The following YAP1 variants were observed in gnomAD, a reference collection of about 807,000 sequenced individuals.
The protein encoded by YAP1 is transcriptional coactivator YAP1.
YAP1 carries 5 observed loss-of-function variants against 56.9 expected under a neutral mutation model. The ratio of observed to expected loss-of-function variants is 0.09; its 90% CI spans 0.05 to 0.18. The LOEUF is 0.18. Among genes scored for constraint, YAP1 ranks in the 10% least tolerant of loss-of-function variants. YAP1 has a pLI of 1.00. For missense variants in YAP1, 539 were observed against 651.8 expected (o/e 0.83, Z 1.88); for synonymous variants, 265 against 248.1 (o/e 1.07, Z -0.64).
intron 2 of YAP1, among the ~76,000 whole-genome samples, chr11:102,127,438 C>T (rs1398100895): frequency 1.3e-5 from 2 of 152,210 alleles, no homozygotes; most frequent in African/African-American, 4.8e-5. Context: ...AGGTTGGAAG[C>T]CCCAAGCCTT....
intron 7 of YAP1, among the ~76,000 whole-genome samples, chr11:102,226,409 A>G (rs1950198923): frequency 6.6e-6 from 1 of 152,202 alleles, no homozygotes; most frequent in Admixed American, 6.5e-5. Context: ...GCCTTGAGCA[A>G]TTGTTAAACT....
At chr11:102,204,518 A>G (rs1469657701) in intron 4 of YAP1, among the ~76,000 whole-genome samples, 1 of 152,238 alleles carries the variant, frequency 6.6e-6, no homozygotes, top group Non-Finnish European at 1.5e-5. Context: ...AAAAGTTCCC[A>G]GGCAATTCCT....
chr11:102,141,105 G>A (rs538917352), intron 2 of YAP1, among the ~76,000 whole-genome samples: 2 of 152,238 alleles, frequency 1.3e-5, no homozygotes, highest in African/African-American at 4.8e-5. Context: ...TTAAGATTCA[G>A]CTCAGGTGTT....
intron 2 of YAP1, among the ~76,000 whole-genome samples, chr11:102,132,960 C>T (rs1944455714): frequency 6.6e-6 from 1 of 151,984 alleles, no homozygotes; most frequent in African/African-American, 2.4e-5. Flanking sequence ...GAGATGGAGA[C>T]CAGCCTGGCC....
chr11:102,178,723 A>G (rs1459710700), intron 3 of YAP1, among the ~76,000 whole-genome samples: 2 of 152,202 alleles, frequency 1.3e-5, no homozygotes, highest in Non-Finnish European at 2.9e-5. Flanking sequence ...CTTATCCTGA[A>G]TCAAATTTCT....
chr11:102,112,297 G>T (rs183285115), intron 1 of YAP1: 3 of 701,044 alleles, frequency 4.3e-6, no homozygotes, highest in African/African-American at 3.9e-5. Flanking sequence ...CACAATGTTC[G>T]ATTATTGTGC....
intron 2 of YAP1, among the ~76,000 whole-genome samples, chr11:102,161,386 A>ACT (rs1555002112): frequency 6.9e-6 from 1 of 144,500 alleles, no homozygotes; most frequent in African/African-American, 2.5e-5. Context: ...ACACACACAC[A>ACT]CTAAACAATT....
chr11:102,200,939 G>T (rs543901648), intron 4 of YAP1, among the ~76,000 whole-genome samples: 1 of 152,058 alleles, frequency 6.6e-6, no homozygotes, highest in Non-Finnish European at 1.5e-5. Flanking sequence ...GTCCTTGGGG[G>T]CAAAAAAGCA....
intron 4 of YAP1, among the ~76,000 whole-genome samples, chr11:102,202,782 T>C (rs1467702305): frequency 7.2e-5 from 11 of 152,204 alleles, no homozygotes; most frequent in Admixed American, 5.9e-4. Context: ...AAAATGGATA[T>C]AATAAGTTTA....
At chr11:102,137,673 A>G (rs1186089357) in intron 2 of YAP1, among the ~76,000 whole-genome samples, 1 of 152,064 alleles carries the variant, frequency 6.6e-6, no homozygotes, top group Non-Finnish European at 1.5e-5. Context: ...TAAATGTTTT[A>G]TTGAAACTAT....
intron 6 of YAP1, among the ~76,000 whole-genome samples, chr11:102,222,417 A>G (rs1340969685): frequency 6.6e-6 from 1 of 152,236 alleles, no homozygotes; most frequent in African/African-American, 2.4e-5. Context: ...GAAAAAGGAC[A>G]GAGTAGTAAT....
At chr11:102,145,873 T>C (rs1017603823) in intron 2 of YAP1, among the ~76,000 whole-genome samples, 3 of 152,220 alleles carry the variant, frequency 2.0e-5, no homozygotes, top group African/African-American at 7.2e-5. Context: ...TTTCCAGTAT[T>C]TGCAGTGTTT....
intron 4 of YAP1, chr11:102,186,340 AGG>A: frequency 2.1e-6 from 1 of 487,212 alleles, no homozygotes; most frequent in Non-Finnish European, 3.6e-6. Flanking sequence ...AGGGCTCCTC[AGG>A]TTGGGGTGGG....
At chr11:102,201,644 C>T (rs186322337) in intron 4 of YAP1, among the ~76,000 whole-genome samples, 46 of 151,992 alleles carry the variant, frequency 3.0e-4, no homozygotes, top group African/African-American at 7.5e-4. Context: ...TAGATGATTG[C>T]GTATGTATAG....
At chr11:102,177,675 C>CAAAAA (rs1022433513) in intron 3 of YAP1, among the ~76,000 whole-genome samples, 1 of 54,984 alleles carries the variant, frequency 1.8e-5, no homozygotes, top group South Asian at 6.3e-4. Flanking sequence ...GACTCGGTCT[C>CAAAAA]AAAAAAAAAA....
chr11:102,219,235 C>T (rs1181967978), intron 6 of YAP1, among the ~76,000 whole-genome samples: 2 of 152,146 alleles, frequency 1.3e-5, no homozygotes, highest in African/African-American at 4.8e-5. Context: ...AATACATCCT[C>T]ATATTTTAAG....
chr11:102,162,352 T>G lies in YAP1; in HGVS notation c.573-104T>G, dbSNP rs955261396. On this transcript the variant is annotated intron_variant, in intron 2 of 8. Transcript: ENST00000282441. ...CAGTGAGATGCTGTGACTTAATGCT[T>G]TTACAGAGCTCGCTTGGCACCCTTT... 4.1e-5 allele frequency: 38 copies of G among 922,638 alleles called. No homozygotes were observed. In the African/African-American group the frequency reaches 6.0e-4, roughly 15 times the overall value. The allele number at this position is 922,638 out of a possible 1,614,324, so 57.2% of individuals were successfully genotyped here.
intron 7 of YAP1, among the ~76,000 whole-genome samples, chr11:102,226,548 C>T (rs1316892242): frequency 6.6e-6 from 1 of 152,196 alleles, no homozygotes; most frequent in Non-Finnish European, 1.5e-5. Flanking sequence ...TTATGCGTTT[C>T]TCTAAGATTT....
At position 102,115,734 on chromosome 11, in the gene YAP1, A is replaced by G. The variant is rs2135123405; in HGVS notation, c.572+1340A>G. Among the ~76,000 whole-genome samples the G allele has an allele frequency of 2.6e-5, 4 of 152,316 alleles. No homozygotes were observed. In the South Asian group the frequency reaches 8.3e-4, roughly 32 times the overall value. On this transcript the variant is annotated intron_variant, in intron 2 of 8. Coordinates refer to ENST00000282441, the MANE Select transcript of YAP1 (RefSeq NM_001130145.3). ...CAAACTCATCTGCATGAGCAAGATC[A>G]TTTGTTCTCAAGCAGACATCCAAAG...
Sources: allele counts gnomAD v4.1 joint callset (sites outside exome capture counted in the v4.1 genomes callset), GRCh38; gene constraint gnomAD v4.1.1; transcripts MANE v1.5; gene names NCBI Gene and HGNC (gene_info 2026-07-23, HGNC 2026-07-21).